EIF2AK4: variants seen among roughly 807,000 people sequenced by gnomAD.
EIF2AK4 encodes eIF-2-alpha kinase GCN2.
EIF2AK4 carries 139 observed loss-of-function variants against 211.1 expected under a neutral mutation model. The observed-to-expected ratio is 0.66, with a 90% CI of 0.57 to 0.76. EIF2AK4 has a LOEUF of 0.76. EIF2AK4 is among the 30% of genes least tolerant of loss of function. The pLI is 0.00. For synonymous variants in EIF2AK4, 710 were observed against 751.3 expected, an observed-to-expected ratio of 0.94 and a Z score of 0.90; for missense variants, 1,664 against 2,043.8, an observed-to-expected ratio of 0.81 and a Z score of 3.58.
intron 33 of EIF2AK4, among the ~76,000 whole-genome samples, chr15:40,027,920 A>G (rs2035486786): frequency 6.6e-6 from 1 of 151,860 alleles, no homozygotes; most frequent in Non-Finnish European, 1.5e-5. Flanking sequence ...CAACAACAAC[A>G]ACGAATATAT....
At chr15:39,971,882 G>T (rs941764128) in intron 9 of EIF2AK4, among the ~76,000 whole-genome samples, 1 of 152,120 alleles carries the variant, frequency 6.6e-6, no homozygotes, top group African/African-American at 2.4e-5. Flanking sequence ...TAGGTCAGGG[G>T]TATAGTAGAA....
At chr15:39,993,246 A>G (rs2034975784) in intron 18 of EIF2AK4, among the ~76,000 whole-genome samples, 1 of 152,150 alleles carries the variant, frequency 6.6e-6, no homozygotes. Context: ...CCATCCATCC[A>G]AAGAATGTGC....
chr15:40,027,829 T>G (rs1271438937), intron 33 of EIF2AK4, among the ~76,000 whole-genome samples: 2 of 151,300 alleles, frequency 1.3e-5, no homozygotes, highest in Non-Finnish European at 2.9e-5. Flanking sequence ...AGGTGGAGCT[T>G]GCAGTGAGTG....
intron 24 of EIF2AK4, among the ~76,000 whole-genome samples, chr15:40,007,675 T>C (rs931348009): frequency 1.6e-4 from 24 of 152,338 alleles, no homozygotes; most frequent in Admixed American, 4.6e-4. Context: ...AGCAAAGCTC[T>C]TTACATGCTT....
At position 40,019,853 on chromosome 15, in the gene EIF2AK4, G is replaced by A. The variant is rs373284941; in HGVS notation, c.4173+653G>A. ...ATGTGAGATGTTATAGTTGTTAACA[G>A]GCTCTTAACAAAACTTCTTGTTCAG... On this transcript the variant is annotated intron_variant, in intron 30 of 38. Coordinates refer to ENST00000263791, the MANE Select transcript of EIF2AK4 (RefSeq NM_001013703.4). Among the ~76,000 whole-genome samples, 10 of 152,190 alleles carry A rather than the reference G, an allele frequency of 6.6e-5. No homozygotes were observed. The East Asian group carries it at 1.9e-3, about 29-fold the overall frequency.
At position 39,951,623 on chromosome 15, in the gene EIF2AK4, A is replaced by G. The variant is rs185171802; in HGVS notation, c.514-2281A>G. On this transcript the variant is annotated intron_variant, in intron 4 of 38. Coordinates refer to ENST00000263791, the MANE Select transcript of EIF2AK4 (RefSeq NM_001013703.4). ...GTTCAGTGGACTTGTGGTAACGTCT[A>G]ATTTCACAGAATGCCACAGTACCAG... 1.5e-4 allele frequency: 37 copies of G among 254,600 alleles called. No individual in the cohort carries two copies. The East Asian group carries it at 4.3e-3, about 29-fold the overall frequency. 15.8% of individuals were successfully genotyped at this position (254,600 alleles called of 1,614,324 possible).
At chr15:40,019,493 G>A (rs919702011) in intron 30 of EIF2AK4, among the ~76,000 whole-genome samples, 2 of 152,146 alleles carry the variant, frequency 1.3e-5, no homozygotes, top group Admixed American at 6.5e-5. Context: ...CACAGCAGGA[G>A]GTGAGCAGTG....
intron 20 of EIF2AK4, 116 bp downstream of exon 20, chr15:39,998,900 G>T: frequency 1.2e-6 from 1 of 825,152 alleles, no homozygotes; most frequent in Non-Finnish European, 1.8e-6. Flanking sequence ...TGGGAACAAC[G>T]TGGGGAAAAA....
At chr15:40,007,971 A>G in intron 24 of EIF2AK4, 56 bp from the exon 25 acceptor site, 2 of 1,286,800 alleles carry the variant, frequency 1.6e-6, no homozygotes, top group East Asian at 2.7e-5. Flanking sequence ...ACAATTTCTT[A>G]TACATATTTC....
chr15:39,965,834 C>A lies in EIF2AK4; in HGVS notation c.1008C>A (p.Cys336Ter). Residue 336 changes from cysteine (C) to a stop codon, truncating the protein, a stop_gained, in exon 8 of 39, where the codon TGC (cysteine) becomes TGA (stop). Transcript: ENST00000263791. LOFTEE classifies it high-confidence loss of function. Reference protein sequence around the residue: ...TSQEKEKIDKCKKQIQGTETE... With the variant: ...TSQEKEKIDK ...AAGAAAAAGAGAAGATTGATAAGTG[C>A]AAAAAGCAGGTAAGCATCCAAGGTG... is the stretch of plus-strand genomic sequence containing the variant. 3 of 1,613,598 alleles carry A rather than the reference C, an allele frequency of 1.9e-6. No individual in the cohort carries two copies. The highest frequency in any genetic ancestry group is 1.1e-5 in the South Asian group (1 of 91,022).
intron 1 of EIF2AK4, 48 bp downstream of exon 1, chr15:39,934,387 C>A: frequency 1.3e-6 from 2 of 1,558,102 alleles, no homozygotes; most frequent in South Asian, 1.2e-5. Flanking sequence ...CTGGCCTCCC[C>A]GGGCCCTGGG....
intron 3 of EIF2AK4, among the ~76,000 whole-genome samples, chr15:39,948,016 TTCTTAGA>T (rs2034253033): frequency 1.3e-5 from 2 of 152,254 alleles, no homozygotes; most frequent in Non-Finnish European, 2.9e-5. Flanking sequence ...AGAAGAGCTT[TTCTTAGA>T]ATAACCTGCC....
At chr15:39,978,279 T>A in intron 13 of EIF2AK4, 132 bp downstream of exon 13, 1 of 440,036 alleles carries the variant, frequency 2.3e-6, no homozygotes, top group Non-Finnish European at 3.9e-6. Flanking sequence ...TAAAAGATGA[T>A]TATTCATTTA....
chr15:39,975,571 A>AAC (rs2034682770), intron 11 of EIF2AK4: 1 of 152,238 alleles, frequency 6.6e-6, no homozygotes, highest in Non-Finnish European at 1.5e-5. Flanking sequence ...AAGACTCTGT[A>AAC]AAAGTTACTT....
chr15:39,952,704 A>G (rs1359047355), intron 4 of EIF2AK4, among the ~76,000 whole-genome samples: 1 of 151,286 alleles, frequency 6.6e-6, no homozygotes, highest in Non-Finnish European at 1.5e-5. Flanking sequence ...TTTTCATTTT[A>G]TTTTGTTTCT....
chr15:40,009,561 T>A, intron 25 of EIF2AK4, 53 bp from the exon 26 acceptor site: 1 of 1,143,230 alleles, frequency 8.7e-7, no homozygotes, highest in African/African-American at 1.6e-5. Flanking sequence ...GATTTGGTCA[T>A]GTACCAGTAA....
At chr15:39,969,398 T>A (rs949232337) in intron 9 of EIF2AK4, among the ~76,000 whole-genome samples, 2 of 142,950 alleles carry the variant, frequency 1.4e-5, no homozygotes, top group Non-Finnish European at 3.0e-5. Flanking sequence ...TCTGGCTGTG[T>A]CGCCCAGGCT....
chr15:39,967,086 A>G (rs1299481008), intron 8 of EIF2AK4, among the ~76,000 whole-genome samples: 1 of 152,240 alleles, frequency 6.6e-6, no homozygotes, highest in Non-Finnish European at 1.5e-5. Context: ...TTGAGATTAG[A>G]GAAGTTGAGA....
intron 3 of EIF2AK4, among the ~76,000 whole-genome samples, chr15:39,945,255 C>G (rs921966378): frequency 1.6e-4 from 24 of 152,108 alleles, no homozygotes; most frequent in Middle Eastern, 3.4e-3. Flanking sequence ...GCTAGGATTA[C>G]AGGCCCGAGC....
Sources: gnomAD v4.1 joint callset for allele counts (sites outside exome capture counted in the v4.1 genomes callset) on GRCh38, gnomAD v4.1.1 for gene constraint, MANE v1.5 for transcripts, NCBI Gene and HGNC (gene_info 2026-07-23, HGNC 2026-07-21) for gene names.